GPSM2: variants seen among roughly 807,000 people sequenced by gnomAD.
GPSM2 encodes the protein G protein-signaling modulator 2.
In GPSM2, 58 loss-of-function variants were observed where a neutral mutation model predicts 78.4. The ratio of observed to expected loss-of-function variants is 0.74; its 90% CI spans 0.60 to 0.92. The LOEUF (loss-of-function observed/expected upper bound fraction) is 0.92. GPSM2 is among the 40% of genes least tolerant of loss of function. The pLI is 0.00. For missense variants in GPSM2, 700 were observed against 815.5 expected (o/e 0.86, Z 1.73); for synonymous variants, 224 against 280.2 (o/e 0.80, Z 2.00).
chr1:108,882,025 T>C (rs1665925211), intron 1 of GPSM2, among the ~76,000 whole-genome samples: 1 of 152,150 alleles, frequency 6.6e-6, no homozygotes, highest in Non-Finnish European at 1.5e-5. Context: ...AATCATCGAT[T>C]ACTATAACCT....
intron 11 of GPSM2, among the ~76,000 whole-genome samples, chr1:108,914,688 A>G (rs1442873022): frequency 1.3e-5 from 2 of 152,250 alleles, no homozygotes; most frequent in Non-Finnish European, 2.9e-5. Flanking sequence ...TCTTCTGGGA[A>G]GAGGACTGAG....
chr1:108,891,022 G>A (rs1025842203), intron 2 of GPSM2, among the ~76,000 whole-genome samples: 7 of 152,012 alleles, frequency 4.6e-5, no homozygotes, highest in Non-Finnish European at 8.8e-5. Flanking sequence ...TATGCTTTCC[G>A]GAATGTACTT....
At chr1:108,884,464 A>G (rs948576454) in intron 1 of GPSM2, among the ~76,000 whole-genome samples, 4 of 152,222 alleles carry the variant, frequency 2.6e-5, no homozygotes, top group African/African-American at 4.8e-5. Flanking sequence ...AGTTGTAGCT[A>G]TGCACAACAA....
In GPSM2 at chr1:108,931,254, GA is replaced by G. The variant is rs1651903760; in HGVS notation, c.*1317del. 2 of 1,437,052 alleles carry G rather than the reference GA, an allele frequency of 1.4e-6. No individual in the cohort carries two copies. The highest frequency in any genetic ancestry group is 1.8e-6 in the Non-Finnish European group (2 of 1,085,780). The allele number at this position is 1,437,052 out of a possible 1,614,324, so 89.0% of individuals were successfully genotyped here. ...ATGAAAACTCACAAAAATTAAATAT[GA>G]AAGAAAGATGTCAGCTAGAACCTTA... On this transcript the variant is annotated 3_prime_UTR_variant, in exon 15 of 15. Transcript: ENST00000264126.
At chr1:108,917,394 C>T (rs1170375769) in intron 11 of GPSM2, among the ~76,000 whole-genome samples, 5 of 150,818 alleles carry the variant, frequency 3.3e-5, no homozygotes, top group African/African-American at 4.9e-5. Flanking sequence ...GGTGAAACCC[C>T]GTCTCTACTA....
At chr1:108,920,512 GC>G (rs990619216) in intron 12 of GPSM2, among the ~76,000 whole-genome samples, 6 of 151,160 alleles carry the variant, frequency 4.0e-5, no homozygotes, top group Non-Finnish European at 8.8e-5. Flanking sequence ...AGCAATGAGA[GC>G]CTTTGCAAAA....
intron 7 of GPSM2, 64 bp from the exon 8 acceptor site, chr1:108,901,726 T>C (rs576993219): frequency 2.4e-6 from 3 of 1,265,246 alleles, no homozygotes; most frequent in East Asian, 4.6e-5. Context: ...GAGAGTTTTG[T>C]TTTGTGATTC....
At chr1:108,908,525 A>AG (rs1176634651) in intron 10 of GPSM2, among the ~76,000 whole-genome samples, 3 of 150,574 alleles carry the variant, frequency 2.0e-5, no homozygotes, top group Non-Finnish European at 4.4e-5. Context: ...CTACTAAAAA[A>AG]TTAGCTGGGC....
In GPSM2 at chr1:108,918,528, C is replaced by T. The variant is rs753228971; in HGVS notation, c.1264-85C>T. On this transcript the variant is annotated intron_variant, in intron 11 of 14. Coordinates refer to ENST00000264126, the MANE Select transcript of GPSM2 (RefSeq NM_013296.5). ...TCCCCCAATAGTAAATAAGTGAGTA[C>T]GTCAGGTTAATATTATGGGAAACCA... 120 of 964,682 alleles carry T rather than the reference C, an allele frequency of 1.2e-4. No individual in the cohort carries two copies. The Middle Eastern group carries it at 1.3e-3, about 10-fold the overall frequency. The allele number at this position is 964,682 out of a possible 1,614,324, so 59.8% of individuals were successfully genotyped here. A position where few individuals can be genotyped will look rare whatever the true frequency, so the allele number is the denominator to read the frequency against.
At chr1:108,913,742 T>C (rs996442230) in intron 10 of GPSM2, among the ~76,000 whole-genome samples, 11 of 152,236 alleles carry the variant, frequency 7.2e-5, no homozygotes, top group African/African-American at 1.9e-4. Context: ...GTATTTCTTA[T>C]GCCTTTTAAA....
chr1:108,901,391 G>C (rs907787942), intron 7 of GPSM2, among the ~76,000 whole-genome samples: 1 of 152,134 alleles, frequency 6.6e-6, no homozygotes, highest in Non-Finnish European at 1.5e-5. Context: ...TTTAAATTTT[G>C]ACAATGCAAA....
intron 11 of GPSM2, among the ~76,000 whole-genome samples, chr1:108,918,327 A>G (rs769794568): frequency 6.6e-6 from 1 of 152,162 alleles, no homozygotes; most frequent in Non-Finnish European, 1.5e-5. Flanking sequence ...CTGACCATTC[A>G]TATTTTATTT....
intron 9 of GPSM2, 150 bp downstream of exon 9, chr1:108,903,384 T>C (rs1648954804): frequency 3.2e-6 from 2 of 628,284 alleles, no homozygotes; most frequent in Non-Finnish European, 5.7e-6. Context: ...CCAGAAAGCA[T>C]TTTGAGGTAC....
intron 2 of GPSM2, among the ~76,000 whole-genome samples, chr1:108,891,692 A>T (rs1427793134): frequency 2.4e-5 from 3 of 123,922 alleles, no homozygotes; most frequent in East Asian, 2.1e-4. Flanking sequence ...TTTGGTGGAG[A>T]TGGGGTTTTG....
At position 108,931,673 on chromosome 1, in the gene GPSM2, GTTTCATGTATAC is replaced by G; in HGVS notation, c.*1735_*1746del. ...TAAATTACAACCTGGATTACATTATGTTTCATGTATACTATAAGGTATGATGTCCTGGATAGC... is the reference window on the plus strand; with the variant it reads ...TAAATTACAACCTGGATTACATTATGTATAAGGTATGATGTCCTGGATAGC... On this transcript the variant is annotated 3_prime_UTR_variant, in exon 15 of 15. Transcript: ENST00000264126. 1 of 789,952 alleles carries G rather than the reference GTTTCATGTATAC, an allele frequency of 1.3e-6. No individual in the cohort carries two copies. The highest frequency in any genetic ancestry group is 1.8e-6 in the Non-Finnish European group (1 of 541,044). The allele number at this position is 789,952 out of a possible 1,614,324, so 48.9% of individuals were successfully genotyped here.
At chr1:108,912,884 T>TA (rs35443597) in intron 10 of GPSM2, among the ~76,000 whole-genome samples, 3,577 of 50,224 alleles carry the variant, frequency 0.071, 149 homozygotes, top group African/African-American at 0.19. Flanking sequence ...GTCTCTACTT[T>TA]AAAAAAAAAA....
chr1:108,914,450 T>C, intron 11 of GPSM2, 42 bp downstream of exon 11: 4 of 1,266,076 alleles, frequency 3.2e-6, no homozygotes, highest in Non-Finnish European at 4.6e-6. Flanking sequence ...TGAACTATTA[T>C]AAAATGTTTT....
At chr1:108,891,647 G>A (rs933591028) in intron 2 of GPSM2, among the ~76,000 whole-genome samples, 6 of 148,174 alleles carry the variant, frequency 4.0e-5, no homozygotes, top group Non-Finnish European at 7.4e-5. Flanking sequence ...ACAGGTGCAT[G>A]CCACCACAGC....
intron 5 of GPSM2, 61 bp downstream of exon 5, chr1:108,898,162 G>A (rs566881871): frequency 3.6e-5 from 55 of 1,508,386 alleles, no homozygotes; most frequent in Middle Eastern, 1.7e-4. Flanking sequence ...TCTGCTGTAC[G>A]TTCTTTATTC....
Sources: gnomAD v4.1 joint callset for allele counts (sites outside exome capture counted in the v4.1 genomes callset) on GRCh38, gnomAD v4.1.1 for gene constraint, MANE v1.5 for transcripts, NCBI Gene and HGNC (gene_info 2026-07-23, HGNC 2026-07-21) for gene names.